COL6A6: variants seen among roughly 807,000 people sequenced by gnomAD.
COL6A6 encodes collagen type VI alpha 6 chain, also known as collagen alpha-6(VI) chain.
In COL6A6, 183 loss-of-function variants were observed where a neutral mutation model predicts 208.6. The observed-to-expected ratio is 0.88, with a 90% CI of 0.78 to 0.99. The LOEUF (loss-of-function observed/expected upper bound fraction) is 0.99. Among genes scored for constraint, COL6A6 ranks in the 50% least tolerant of loss-of-function variants. The probability of loss-of-function intolerance (pLI) is 0.00; values close to 1 mark genes in which losing one functional copy is unlikely to be tolerated. For missense variants in COL6A6, 2,816 were observed against 2,815.2 expected, an observed-to-expected ratio of 1.00 and a Z score of -0.01; for synonymous variants, 973 against 1,011.8, an observed-to-expected ratio of 0.96 and a Z score of 0.73.
intron 28 of COL6A6, among the ~76,000 whole-genome samples, chr3:130,639,689 CA>C (rs57615059): frequency 0.42 from 39,521 of 93,924 alleles, 6,709 homozygotes; most frequent in African/African-American, 0.59. Flanking sequence ...GATCCTGTCT[CA>C]AAAAAAAAAA....
intron 11 of COL6A6, among the ~76,000 whole-genome samples, chr3:130,586,887 G>C (rs2063554747): frequency 6.6e-6 from 1 of 151,988 alleles, no homozygotes; most frequent in African/African-American, 2.4e-5. Flanking sequence ...AATAGGAGGA[G>C]GAAAGAGGGA....
chr3:130,673,217 CAA>C (rs1211498711), intron 36 of COL6A6, among the ~76,000 whole-genome samples: 4 of 57,628 alleles, frequency 6.9e-5, no homozygotes, highest in Admixed American at 3.9e-4. Context: ...ACAAAAAAAA[CAA>C]AAAAAAAAAA....
intron 3 of COL6A6, 83 bp from the exon 4 acceptor site, chr3:130,564,911 G>A (rs77615816): frequency 0.041 from 60,582 of 1,473,284 alleles, 1,603 homozygotes; most frequent in Non-Finnish European, 0.048. Flanking sequence ...GAGCTCTGCT[G>A]TATGGTCTTC....
chr3:130,664,938 A>C, intron 35 of COL6A6, 65 bp from the exon 36 acceptor site: 1 of 1,048,548 alleles, frequency 9.5e-7, no homozygotes, highest in South Asian at 1.4e-5. Context: ...CTTTGTGTAC[A>C]GAGCAGATTG....
At chr3:130,569,970 G>T (rs1419592305) in intron 6 of COL6A6, among the ~76,000 whole-genome samples, 3 of 152,212 alleles carry the variant, frequency 2.0e-5, no homozygotes, top group Non-Finnish European at 4.4e-5. Context: ...TCTCAAGAAT[G>T]GATGAGTTAA....
chr3:130,581,264 A>G (rs2063414034), intron 8 of COL6A6, among the ~76,000 whole-genome samples: 1 of 152,192 alleles, frequency 6.6e-6, no homozygotes. Flanking sequence ...AGTGTACTTT[A>G]GGGATATTTA....
rs116038578 is a variant in COL6A6 at position 130,626,449 on chromosome 3, A to C, written c.4879-36A>C. On this transcript the variant is annotated intron_variant, in intron 24 of 36. Coordinates refer to ENST00000358511, the MANE Select transcript of COL6A6 (RefSeq NM_001102608.3). ...GAGCTGAATTAGTGCCATCATTTCC[A>C]ATTTCCAACCTAAAAACAATCTTTC... The C allele has an allele frequency of 4.2e-3, 6,382 of 1,510,226 alleles. 24 individuals carry two copies. Among genetic ancestry groups the C allele is most frequent in the Non-Finnish European group, 5.3e-3 (5,749 of 1,085,194 alleles). 93.6% of individuals were successfully genotyped at this position (1,510,226 alleles called of 1,614,324 possible).
In COL6A6 at chr3:130,574,315, C is replaced by T; in HGVS notation, c.3337C>T (p.Gln1113Ter). ...PQVLLVLTDG[Q>*]SQDEVAQAAE... ...GGTGCTGCTGGTCCTTACAGATGGC[C>T]AGTCCCAAGACGAGGTGGCCCAGGC... Residue 1113 changes from glutamine (Q) to a stop codon, truncating the protein, a stop_gained, in exon 8 of 37, where the codon CAG becomes TAG. Coordinates refer to ENST00000358511, the MANE Select transcript of COL6A6 (RefSeq NM_001102608.3). LOFTEE classifies it high-confidence loss of function. 1.2e-6 allele frequency: 2 copies of T among 1,614,004 alleles called. No homozygotes were observed. The highest frequency in any genetic ancestry group is 2.2e-5 in the South Asian group (2 of 91,076).
Position 130,520,748 on chromosome 3 carries a change from A to G in COL6A6, c.-32+3351A>G, listed in dbSNP as rs145340337. ...CGTGAAAAATCTCGGGACAAGATAA[A>G]GGAGGCAGTATCATCTTTGTGTCTC... is the stretch of plus-strand genomic sequence containing the variant. On this transcript the variant is annotated intron_variant, in intron 1 of 36. Transcript: ENST00000358511. Among the ~76,000 whole-genome samples the G allele has an allele frequency of 3.6e-3, 554 of 152,330 alleles. 6 individuals are homozygous for G. The highest frequency in any genetic ancestry group is 0.017 in the Middle Eastern group (5 of 292).
Position 130,661,684 on chromosome 3 carries a change from G to C in COL6A6, c.5878G>C (p.Val1960Leu), listed in dbSNP as rs766388750. The C allele has an allele frequency of 1.2e-6, 2 of 1,613,764 alleles. No homozygotes were observed. The highest frequency in any genetic ancestry group is 1.3e-5 in the African/African-American group (1 of 74,910). Residue 1960 changes from valine to leucine, a missense_variant, in exon 35 of 37, where the codon GTG (valine) becomes CTG (leucine). Coordinates refer to ENST00000358511, the MANE Select transcript of COL6A6 (RefSeq NM_001102608.3). ...TTGTGACCAAGCCAGACCACCCCCT[G>C]TGCAGTCTTACATGGATGCTGCTTT... ...ASCDQARPPP[V>L]QSYMDAAFLL...
chr3:130,661,333 C>T (rs73868940), intron 34 of COL6A6, among the ~76,000 whole-genome samples: 36,559 of 152,050 alleles, frequency 0.24, 4,664 homozygotes, highest in South Asian at 0.36. Context: ...CGAGGCCAAT[C>T]GTCCACTTCA....
intron 11 of COL6A6, among the ~76,000 whole-genome samples, chr3:130,586,979 G>A (rs1204155178): frequency 6.6e-6 from 1 of 152,198 alleles, no homozygotes; most frequent in East Asian, 1.9e-4. Context: ...AATCTGAGAT[G>A]CGAGCGTGAA....
intron 33 of COL6A6, among the ~76,000 whole-genome samples, chr3:130,657,742 G>A (rs970478879): frequency 4.7e-4 from 71 of 152,158 alleles, no homozygotes; most frequent in African/African-American, 1.5e-3. Flanking sequence ...ACAGAGTTAC[G>A]CCATATAAAC....
intron 11 of COL6A6, among the ~76,000 whole-genome samples, chr3:130,588,253 TTTCA>T (rs1399883412): frequency 5.3e-5 from 8 of 152,242 alleles, no homozygotes; most frequent in African/African-American, 1.7e-4. Flanking sequence ...GATTTTCATT[TTTCA>T]TTGCACTAGA....
At chr3:130,597,472 G>A (rs760711604) in intron 18 of COL6A6, among the ~76,000 whole-genome samples, 44 of 152,254 alleles carry the variant, frequency 2.9e-4, no homozygotes, top group Middle Eastern at 3.4e-3. Context: ...GCTGGTGACC[G>A]CAAATTACTT....
intron 1 of COL6A6, among the ~76,000 whole-genome samples, chr3:130,550,399 C>T (rs1233451205): frequency 6.6e-6 from 1 of 152,162 alleles, no homozygotes; most frequent in African/African-American, 2.4e-5. Flanking sequence ...AAGGGGAATG[C>T]TTCCAGCTTT....
chr3:130,541,249 G>A (rs1250845309), intron 1 of COL6A6, among the ~76,000 whole-genome samples: 1 of 152,198 alleles, frequency 6.6e-6, no homozygotes, highest in African/African-American at 2.4e-5. Context: ...ATGAAAATCA[G>A]AGCCACAGTG....
At position 130,642,995 on chromosome 3, in the gene COL6A6, G is replaced by A. The variant is rs1341159879; in HGVS notation, c.5199G>A (p.Glu1733=). The change falls in exon 31 of 37, where the codon GAG becomes GAA. Residue 1733 remains glutamate, a synonymous_variant. Coordinates refer to ENST00000358511, the MANE Select transcript of COL6A6 (RefSeq NM_001102608.3). ...TTATTTTCGAACTGCAGACATGTGA[G>A]CTCATTCAGTATGTGCGAGACCGCA... ...AKGLASFSTC[E]LIQYVRDRSP... The A allele has an allele frequency of 4.3e-6, 7 of 1,613,738 alleles. No homozygotes were observed. The highest frequency in any genetic ancestry group is 5.1e-6 in the Non-Finnish European group (6 of 1,179,792).
In COL6A6 at chr3:130,581,547, C is replaced by T; in HGVS notation, c.3548-14C>T. 1 of 1,562,966 alleles carries T rather than the reference C, an allele frequency of 6.4e-7. No individual in the cohort carries two copies. The highest frequency in any genetic ancestry group is 8.7e-7 in the Non-Finnish European group (1 of 1,149,454). ...TGTTGATTTATTAAGACATGCTTTT[C>T]CTTTGAATCCTAGACTGTTTCGTGG... On this transcript the variant is annotated splice_polypyrimidine_tract_variant and intron_variant, in intron 8 of 36. Coordinates refer to ENST00000358511, the MANE Select transcript of COL6A6 (RefSeq NM_001102608.3).
Sources: allele counts gnomAD v4.1 joint callset (sites outside exome capture counted in the v4.1 genomes callset), GRCh38; gene constraint gnomAD v4.1.1; transcripts MANE v1.5; gene names NCBI Gene and HGNC (gene_info 2026-07-23, HGNC 2026-07-21).